The following PCSK5 variants were observed in gnomAD, a reference collection of about 807,000 sequenced individuals.
PCSK5 encodes proprotein convertase subtilisin/kexin type 5.
PCSK5 carries 129 observed loss-of-function variants against 233.2 expected under a neutral mutation model. The observed-to-expected ratio is 0.55, with a 90% CI of 0.48 to 0.64. The LOEUF is 0.64. PCSK5 is among the 30% of genes least tolerant of loss of function. The pLI is 0.00. For synonymous variants in PCSK5, 825 were observed against 879.2 expected (o/e 0.94, Z 1.09); for missense variants, 2,076 against 2,430.1 (o/e 0.85, Z 3.06).
chr9:76,093,582 T>TATAC (rs375899150), intron 7 of PCSK5, among the ~76,000 whole-genome samples: 1,818 of 149,908 alleles, frequency 0.012, 35 homozygotes, highest in South Asian at 0.067. Flanking sequence ...TATATATATA[T>TATAC]ACACACACAC....
intron 10 of PCSK5, among the ~76,000 whole-genome samples, chr9:76,151,962 T>C (rs1272981394): frequency 1.3e-5 from 2 of 152,216 alleles, no homozygotes; most frequent in Non-Finnish European, 2.9e-5. Context: ...TAATAATTAA[T>C]TGGATCAATT....
intron 5 of PCSK5, among the ~76,000 whole-genome samples, chr9:76,056,470 C>T (rs1829822248): frequency 6.6e-6 from 1 of 152,160 alleles, no homozygotes; most frequent in Non-Finnish European, 1.5e-5. Context: ...CCCATGAAGG[C>T]CCTACACTCA....
chr9:76,275,467 C>T (rs1827661867), intron 24 of PCSK5, among the ~76,000 whole-genome samples: 1 of 152,164 alleles, frequency 6.6e-6, no homozygotes, highest in African/African-American at 2.4e-5. Flanking sequence ...TTCTGTCACC[C>T]AGGCTGGAGT....
rs1396440933 is a variant in PCSK5, at chr9:76,189,865, A to G, written c.2626+119A>G. ...GCATGCATCAGATATGACATGCTCA[A>G]TATTTTGGTGGCATTCATTCATCTT... On this transcript the variant is annotated intron_variant, in intron 20 of 37. Coordinates refer to ENST00000674117, the MANE Select transcript of PCSK5 (RefSeq NM_001372043.1). 1.0e-5 allele frequency: 6 copies of G among 591,338 alleles called. No individual in the cohort carries two copies. In the Admixed American group the frequency reaches 1.9e-4, roughly 19 times the overall value. The allele number at this position is 591,338 out of a possible 1,614,324, so 36.6% of individuals were successfully genotyped here.
At chr9:75,983,167 A>T (rs541750828) in intron 2 of PCSK5, among the ~76,000 whole-genome samples, 1 of 152,168 alleles carries the variant, frequency 6.6e-6, no homozygotes, top group African/African-American at 2.4e-5. Context: ...AATTATTATA[A>T]TACTTTTTAA....
At chr9:76,266,950 G>A (rs984311377) in intron 24 of PCSK5, among the ~76,000 whole-genome samples, 2 of 152,184 alleles carry the variant, frequency 1.3e-5, no homozygotes, top group Admixed American at 6.5e-5. Context: ...CTGCACAGAT[G>A]AGCAGTTTCG....
chr9:75,942,270 A>G (rs777953709), intron 2 of PCSK5, among the ~76,000 whole-genome samples: 3 of 152,254 alleles, frequency 2.0e-5, no homozygotes, highest in Admixed American at 1.3e-4. Flanking sequence ...AATATTGGCA[A>G]CTAGTTCAAA....
intron 20 of PCSK5, among the ~76,000 whole-genome samples, chr9:76,192,475 T>A (rs1364715493): frequency 6.6e-6 from 1 of 152,232 alleles, no homozygotes; most frequent in South Asian, 2.1e-4. Flanking sequence ...ATGCATCTTA[T>A]AATTTGTGGC....
intron 24 of PCSK5, among the ~76,000 whole-genome samples, chr9:76,280,792 C>A (rs1827839929): frequency 6.6e-6 from 1 of 151,848 alleles, no homozygotes; most frequent in Non-Finnish European, 1.5e-5. Flanking sequence ...TGGCACCAAA[C>A]AGCCAAGTTG....
chr9:76,236,535 G>A (rs1280653642), intron 22 of PCSK5, among the ~76,000 whole-genome samples: 6 of 152,114 alleles, frequency 3.9e-5, no homozygotes, highest in Non-Finnish European at 2.9e-5. Context: ...ATTTAAAGTC[G>A]AAGACCCTGG....
chr9:76,293,370 T>C (rs561525402), intron 25 of PCSK5, among the ~76,000 whole-genome samples: 2 of 152,330 alleles, frequency 1.3e-5, no homozygotes, highest in East Asian at 3.9e-4. Context: ...TAATCTAACT[T>C]TTCCAGAATA....
At chr9:76,126,895 T>C (rs1822523083) in intron 9 of PCSK5, among the ~76,000 whole-genome samples, 1 of 152,146 alleles carries the variant, frequency 6.6e-6, no homozygotes, top group African/African-American at 2.4e-5. Flanking sequence ...CTATGCAATA[T>C]ATGCACATAA....
intron 9 of PCSK5, among the ~76,000 whole-genome samples, chr9:76,130,119 A>G (rs1822699406): frequency 6.6e-6 from 1 of 152,030 alleles, no homozygotes; most frequent in Non-Finnish European, 1.5e-5. Context: ...AAATCATATG[A>G]TTTTCCTGGT....
At chr9:75,920,623 G>A (rs912569307) in intron 1 of PCSK5, among the ~76,000 whole-genome samples, 1 of 151,984 alleles carries the variant, frequency 6.6e-6, no homozygotes, top group Admixed American at 6.6e-5. Flanking sequence ...TGGGCAACAT[G>A]ACAAAACCCT....
In PCSK5 at chr9:76,233,565, T is replaced by C. The variant is rs368632909; in HGVS notation, c.2835T>C (p.Ser945=). Residue 945 remains serine (S), a synonymous_variant, in exon 22 of 38, where the codon AGT becomes AGC. Coordinates refer to ENST00000674117, the MANE Select transcript of PCSK5 (RefSeq NM_001372043.1). The part of the protein sequence containing the change: ...CHHTCQRCQG[S]GPTHCTSCGA... Reference sequence around the variant, plus strand: ...ACACCTGCCAGAGATGCCAAGGAAGTGGCCCTACCCACTGCACCTCCTGTG... The same window carrying C: ...ACACCTGCCAGAGATGCCAAGGAAGCGGCCCTACCCACTGCACCTCCTGTG... 6.2e-7 allele frequency: 1 copy of C among 1,611,754 alleles called. No individual in the cohort carries two copies. The highest frequency in any genetic ancestry group is 8.5e-7 in the Non-Finnish European group (1 of 1,179,790).
At chr9:76,028,574 C>T (rs867363969) in intron 5 of PCSK5, among the ~76,000 whole-genome samples, 1 of 152,074 alleles carries the variant, frequency 6.6e-6, no homozygotes. Context: ...TGGGTGGTGT[C>T]AGCTGATCCG....
At chr9:76,162,917 T>A (rs929530036) in intron 12 of PCSK5, among the ~76,000 whole-genome samples, 9 of 152,140 alleles carry the variant, frequency 5.9e-5, no homozygotes, top group African/African-American at 2.2e-4. Context: ...TTGAAGCAGC[T>A]CCTCTGCTCC....
intron 20 of PCSK5, among the ~76,000 whole-genome samples, chr9:76,227,098 C>T (rs923613721): frequency 6.6e-6 from 1 of 152,082 alleles, no homozygotes; most frequent in Admixed American, 6.6e-5. Context: ...CTAGGTGGTT[C>T]CTGCTCATTG....
intron 10 of PCSK5, among the ~76,000 whole-genome samples, chr9:76,152,027 A>T (rs1177944801): frequency 6.6e-6 from 1 of 152,202 alleles, no homozygotes; most frequent in Non-Finnish European, 1.5e-5. Flanking sequence ...TAATCAAATA[A>T]TTGAATCTAA....
Sources: gnomAD v4.1 joint callset for allele counts (sites outside exome capture counted in the v4.1 genomes callset) on GRCh38, gnomAD v4.1.1 for gene constraint, MANE v1.5 for transcripts, NCBI Gene and HGNC (gene_info 2026-07-23, HGNC 2026-07-21) for gene names.